Variants in PDE4D observed in about 807,000 individuals in gnomAD.
The protein encoded by PDE4D is 3',5'-cyclic-AMP phosphodiesterase 4D.
PDE4D carries 24 observed loss-of-function variants against 87.4 expected under a neutral mutation model. That is an observed-to-expected ratio of 0.27 (90% CI 0.20 to 0.39). The LOEUF (loss-of-function observed/expected upper bound fraction) is 0.39. Among genes scored for constraint, PDE4D ranks in the 10% least tolerant of loss-of-function variants. The pLI, the probability that PDE4D is intolerant of heterozygous loss-of-function variation, is 1.00. For synonymous variants in PDE4D, 384 were observed against 383.2 expected (o/e 1.00, Z -0.02); for missense variants, 714 against 1,041.0 (o/e 0.69, Z 4.32).
rs144561208 is a variant in PDE4D, at chr5:59,811,596, G to A, written c.455+81572C>T. ...CTCCATGAGCTCAGGTTTCCAGAAA[G>A]CAGTCATGTCCCCAGCCTCTCTGCC... On this transcript the variant is annotated intron_variant, in intron 1 of 14. Transcript: ENST00000340635. 6.3e-3 allele frequency among the ~76,000 whole-genome samples: 966 copies of A among 152,232 alleles called. 8 individuals are homozygous for A. Among genetic ancestry groups the A allele is most frequent in the African/African-American group, 0.022 (928 of 41,532 alleles).
At chr5:59,799,070 C>G (rs754327400) in intron 1 of PDE4D, among the ~76,000 whole-genome samples, 4 of 152,100 alleles carry the variant, frequency 2.6e-5, no homozygotes, top group Non-Finnish European at 5.9e-5. Flanking sequence ...GGAAAAAATT[C>G]CCTATCTCAT....
At chr5:59,252,091 T>A (rs1214693574) in intron 1 of PDE4D, among the ~76,000 whole-genome samples, 1 of 151,814 alleles carries the variant, frequency 6.6e-6, no homozygotes, top group African/African-American at 2.4e-5. Flanking sequence ...AATACCCGGG[T>A]GATGAAATAA....
At chr5:60,216,549 C>T (rs960848677) in intron 1 of PDE4D, among the ~76,000 whole-genome samples, 1 of 152,012 alleles carries the variant, frequency 6.6e-6, no homozygotes, top group African/African-American at 2.4e-5. Flanking sequence ...CTACAAGAAA[C>T]TCACTTTAGA....
At chr5:59,753,382 G>T (rs543707661) in intron 1 of PDE4D, among the ~76,000 whole-genome samples, 2 of 152,222 alleles carry the variant, frequency 1.3e-5, no homozygotes, top group South Asian at 4.1e-4. Context: ...CTGGTTTTTT[G>T]GGAAGATAAT....
At chr5:59,008,459 T>G (rs1462468462) in intron 6 of PDE4D, among the ~76,000 whole-genome samples, 2 of 151,994 alleles carry the variant, frequency 1.3e-5, no homozygotes, top group Non-Finnish European at 2.9e-5. Context: ...TAAAATAATT[T>G]TAAGTAATAA....
intron 5 of PDE4D, among the ~76,000 whole-genome samples, chr5:59,081,867 T>C (rs1223888155): frequency 6.6e-6 from 1 of 152,090 alleles, no homozygotes; most frequent in Non-Finnish European, 1.5e-5. Flanking sequence ...ATAATCCCCA[T>C]GTGTTGCGGG....
At position 60,271,771 on chromosome 5, in the gene PDE4D, C is replaced by T. The variant is rs6867874; in HGVS notation, c.-89-86084G>A. ...AGTCTGAGTTACACGCTGCACTAAG[C>T]CATACTTTTCCATATAAAGTAAAAG... is the stretch of plus-strand genomic sequence containing the variant. On this transcript the variant is annotated intron_variant, in intron 1 of 16. Coordinates refer to the PDE4D transcript ENST00000502484. 3.3e-3 allele frequency among the ~76,000 whole-genome samples: 499 copies of T among 152,276 alleles called. 2 individuals are homozygous for T. Among genetic ancestry groups the T allele is most frequent in the African/African-American group, 0.011 (468 of 41,550 alleles).
intron 1 of PDE4D, among the ~76,000 whole-genome samples, chr5:59,478,712 TAAAG>T (rs753300782): frequency 2.0e-5 from 3 of 152,086 alleles, no homozygotes; most frequent in Non-Finnish European, 2.9e-5. Flanking sequence ...ATGACAAAAT[TAAAG>T]AAATTATTTT....
chr5:59,236,208 A>G (rs1372209257), intron 1 of PDE4D, among the ~76,000 whole-genome samples: 1 of 152,066 alleles, frequency 6.6e-6, no homozygotes, highest in Non-Finnish European at 1.5e-5. Flanking sequence ...GCAGGAATGT[A>G]TTTATAACGC....
chr5:59,992,769 C>T (rs1246440145), intron 2 of PDE4D, among the ~76,000 whole-genome samples: 2 of 152,092 alleles, frequency 1.3e-5, no homozygotes, highest in Non-Finnish European at 2.9e-5. Flanking sequence ...CATGCTTATA[C>T]TCTGTTAGTT....
intron 5 of PDE4D, among the ~76,000 whole-genome samples, chr5:59,128,616 TTGA>T (rs1775843811): frequency 6.6e-6 from 1 of 152,182 alleles, no homozygotes; most frequent in Non-Finnish European, 1.5e-5. Context: ...GTCATTTCGC[TTGA>T]TGATGGAATG....
At chr5:59,890,362 A>T (rs1201041826) in intron 1 of PDE4D, among the ~76,000 whole-genome samples, 1 of 151,950 alleles carries the variant, frequency 6.6e-6, no homozygotes, top group Non-Finnish European at 1.5e-5. Context: ...GCTTTAATTT[A>T]TCTGAACACT....
intron 1 of PDE4D, among the ~76,000 whole-genome samples, chr5:59,623,370 C>G (rs372426136): frequency 2.2e-3 from 339 of 152,282 alleles, no homozygotes; most frequent in African/African-American, 7.5e-3. Context: ...AGCTAGCTTG[C>G]CCTGTTGCCC....
intron 1 of PDE4D, among the ~76,000 whole-genome samples, chr5:60,431,348 T>A: frequency 6.8e-6 from 1 of 148,140 alleles, no homozygotes; most frequent in East Asian, 2.0e-4. Flanking sequence ...GTCTCCTCAC[T>A]TCTCAGATGG....
At chr5:59,805,865 T>C (rs985729647) in intron 1 of PDE4D, among the ~76,000 whole-genome samples, 1 of 152,210 alleles carries the variant, frequency 6.6e-6, no homozygotes, top group Non-Finnish European at 1.5e-5. Context: ...CCGAAATAAC[T>C]GTTGGGTGGC....
At position 59,068,828 on chromosome 5, in the gene PDE4D, T is replaced by G. The variant is rs1398828001; in HGVS notation, c.809-29857A>C. On this transcript the variant is annotated intron_variant, in intron 5 of 14. Coordinates refer to ENST00000340635, the MANE Select transcript of PDE4D (RefSeq NM_001104631.2). ...GTCTCAGTTTCCTCCTTTTTAAAGT[T>G]AGCCTAAAACTACCTCGCTCATCTA... Among the ~76,000 whole-genome samples, 3 of 152,182 alleles carry G rather than the reference T, an allele frequency of 2.0e-5. No homozygotes were observed. The East Asian group carries it at 5.8e-4, about 29-fold the overall frequency.
intron 1 of PDE4D, among the ~76,000 whole-genome samples, chr5:60,297,752 A>G (rs1247418566): frequency 6.6e-6 from 1 of 152,224 alleles, no homozygotes; most frequent in African/African-American, 2.4e-5. Context: ...CATAAATGAG[A>G]ATTTCTATTC....
intron 5 of PDE4D, among the ~76,000 whole-genome samples, chr5:59,177,193 T>C (rs1332587194): frequency 3.3e-5 from 5 of 152,174 alleles, no homozygotes; most frequent in Admixed American, 6.5e-5. Context: ...CAAATGAGAC[T>C]AGTGCCTTTA....
intron 1 of PDE4D, among the ~76,000 whole-genome samples, chr5:60,273,285 G>A (rs1482131628): frequency 6.6e-6 from 1 of 152,110 alleles, no homozygotes; most frequent in Non-Finnish European, 1.5e-5. Flanking sequence ...GCAAATGGGA[G>A]AATGGAAAGA....
Sources: allele counts gnomAD v4.1 joint callset (sites outside exome capture counted in the v4.1 genomes callset), GRCh38; gene constraint gnomAD v4.1.1; transcripts MANE v1.5; gene names NCBI Gene and HGNC (gene_info 2026-07-23, HGNC 2026-07-21).